Variants in DIS3L observed in about 807,000 individuals in gnomAD.
DIS3L encodes DIS3-like exonuclease 1.
Under a neutral mutation model 120.3 loss-of-function variants are expected in DIS3L, and 100 were observed. That is an observed-to-expected ratio of 0.83 (90% CI 0.71 to 0.98). DIS3L has a LOEUF of 0.98. Among genes scored for constraint, DIS3L ranks in the 50% least tolerant of loss-of-function variants. The pLI is 0.00. For synonymous variants in DIS3L, 426 were observed against 470.6 expected, an observed-to-expected ratio of 0.91 and a Z score of 1.23; for missense variants, 1,196 against 1,314.2, an observed-to-expected ratio of 0.91 and a Z score of 1.39.
At chr15:66,314,522 G>A (rs1291296424) in intron 6 of DIS3L, among the ~76,000 whole-genome samples, 1 of 152,196 alleles carries the variant, frequency 6.6e-6, no homozygotes, top group Non-Finnish European at 1.5e-5. Flanking sequence ...ATAATCAGGT[G>A]TAGTTCTTAG....
rs148317715 is a variant in DIS3L at position 66,328,883 on chromosome 15, A to C, written c.2202-87A>C. 1,346 of 1,478,960 alleles carry C rather than the reference A, an allele frequency of 9.1e-4. 25 individuals are homozygous for C. The Admixed American group carries it at 0.03, about 33-fold the overall frequency. 91.6% of individuals were successfully genotyped at this position (1,478,960 alleles called of 1,614,324 possible). On this transcript the variant is annotated intron_variant, in intron 12 of 16. Transcript: ENST00000319212. ...AATTTACTGGCAGATGAAGGTATTCAGACGGATGAGTGAAGGGTTCCCCTC... is the reference window on the plus strand; with the variant it reads ...AATTTACTGGCAGATGAAGGTATTCCGACGGATGAGTGAAGGGTTCCCCTC...
At chr15:66,302,963 C>T (rs2092664414) in intron 2 of DIS3L, among the ~76,000 whole-genome samples, 1 of 152,096 alleles carries the variant, frequency 6.6e-6, no homozygotes, top group East Asian at 1.9e-4. Flanking sequence ...AACTCTATAC[C>T]CCTTAAACAC....
rs773996173 is a variant in DIS3L at position 66,331,936 on chromosome 15, A to G, written c.2597A>G (p.Lys866Arg). 1.9e-6 allele frequency: 3 copies of G among 1,613,486 alleles called. No homozygotes were observed. The highest frequency in any genetic ancestry group is 2.5e-6 in the Non-Finnish European group (3 of 1,179,738). ...ELFQCMYFKD[K>R]DPATEERCIS... is the part of the protein sequence containing the mutation. ...TTCCAGTGCATGTACTTCAAAGACAAAGACCCTGCCACCGAGGAGCGTTGC... is the reference window on the plus strand; with the variant it reads ...TTCCAGTGCATGTACTTCAAAGACAGAGACCCTGCCACCGAGGAGCGTTGC... The change falls in exon 15 of 17, where the codon AAA becomes AGA. Residue 866 changes from lysine (K) to arginine (R), a missense_variant. Transcript: ENST00000319212.
At position 66,326,184 on chromosome 15, in the gene DIS3L, C is replaced by G; in HGVS notation, c.2021C>G (p.Pro674Arg). ...ATTCACGACCTCATCCCCAAGCAGC[C>G]CCTGGAAGTCCACGAGACAGTGGCT... ...KNIHDLIPKQ[P>R]LEVHETVAEC... Residue 674 changes from proline (P) to arginine (R), a missense_variant, in exon 12 of 17, where the codon CCC becomes CGC. By Grantham distance (103) the Pro-to-Arg change is moderately radical (BLOSUM62 -2). Transcript: ENST00000319212. The G allele has an allele frequency of 6.2e-7, 1 of 1,614,190 alleles. No individual in the cohort carries two copies. The highest frequency in any genetic ancestry group is 8.5e-7 in the Non-Finnish European group (1 of 1,180,038).
intron 1 of DIS3L, 75 bp from the exon 2 acceptor site, chr15:66,294,913 C>T (rs1490455148): frequency 7.1e-7 from 1 of 1,417,380 alleles, no homozygotes; most frequent in South Asian, 1.4e-5. Context: ...TTTTGCATGC[C>T]AGAGCACCGT....
At chr15:66,301,185 A>G (rs1276037097) in intron 2 of DIS3L, among the ~76,000 whole-genome samples, 1 of 152,206 alleles carries the variant, frequency 6.6e-6, no homozygotes, top group Non-Finnish European at 1.5e-5. Flanking sequence ...CCTCTGAGAA[A>G]TTGCTTAAAA....
In DIS3L at chr15:66,314,075, G is replaced by A; in HGVS notation, c.772G>A (p.Glu258Lys). ...LNVNKHRAQI[E>K]AFVRLQGASS... Reference sequence around the variant, plus strand: ...TGTCAACAAACACAGAGCCCAAATAGAAGCTTTTGTTCGACTTCAAGGAGC... The same window carrying A: ...TGTCAACAAACACAGAGCCCAAATAAAAGCTTTTGTTCGACTTCAAGGAGC... The change falls in exon 6 of 17, where the codon GAA (glutamate) becomes AAA (lysine). Residue 258 changes from glutamate to lysine, a missense_variant. Coordinates refer to ENST00000319212, the MANE Select transcript of DIS3L (RefSeq NM_001143688.3). 6.5e-7 allele frequency: 1 copy of A among 1,533,808 alleles called. No individual in the cohort carries two copies. Among genetic ancestry groups the A allele is most frequent in the Admixed American group, 2.3e-5 (1 of 43,370 alleles).
intron 10 of DIS3L, 65 bp from the exon 11 acceptor site, chr15:66,323,428 C>T (rs1310600986): frequency 6.5e-6 from 10 of 1,547,570 alleles, no homozygotes; most frequent in Non-Finnish European, 7.1e-6. Flanking sequence ...CCCTGCGGCC[C>T]ACACAGTCAG....
Position 66,300,666 on chromosome 15 carries a change from T to A in DIS3L, c.293+5525T>A, listed in dbSNP as rs115321050. Among the ~76,000 whole-genome samples, 1,339 of 152,238 alleles carry A rather than the reference T, an allele frequency of 8.8e-3. 17 individuals carry two copies. The highest frequency in any genetic ancestry group is 0.03 in the African/African-American group (1,261 of 41,524). On this transcript the variant is annotated intron_variant, in intron 2 of 16. Transcript: ENST00000319212. ...CTCTAGAACTAGTGATAGATTTAGG[T>A]ATGTGAGATGGCGGGGAAGGTAGGG...
intron 7 of DIS3L, 61 bp from the exon 8 acceptor site, chr15:66,318,388 C>T: frequency 6.5e-7 from 1 of 1,542,750 alleles, no homozygotes; most frequent in East Asian, 2.3e-5. Flanking sequence ...TTGAGGTGGT[C>T]AGAGTCCAGA....
Position 66,332,911 on chromosome 15 carries a change from G to T in DIS3L, c.2856+1G>T. On this transcript the variant is annotated splice_donor_variant, in intron 16 of 16. Coordinates refer to ENST00000319212, the MANE Select transcript of DIS3L (RefSeq NM_001143688.3). LOFTEE classifies it high-confidence loss of function. Reference sequence around the variant, plus strand: ...GTTCCATTTGTTTGACCATGTAACCGTAAGTCTGTGTTTCTATTAAGTATT... The same window carrying T: ...GTTCCATTTGTTTGACCATGTAACCTTAAGTCTGTGTTTCTATTAAGTATT... 1 of 1,607,254 alleles carries T rather than the reference G, an allele frequency of 6.2e-7. No homozygotes were observed. The highest frequency in any genetic ancestry group is 8.5e-7 in the Non-Finnish European group (1 of 1,177,460).
At chr15:66,294,948 A>G (rs558641168) in intron 1 of DIS3L, 40 bp from the exon 2 acceptor site, 1 of 1,549,502 alleles carries the variant, frequency 6.5e-7, no homozygotes, top group Admixed American at 2.0e-5. Context: ...CCAGGTTTGA[A>G]AACATTGTCT....
chr15:66,313,879 A>ATATG (rs149256081), intron 5 of DIS3L, among the ~76,000 whole-genome samples, 160 bp from the exon 6 acceptor site: 4 of 139,462 alleles, frequency 2.9e-5, no homozygotes, highest in Non-Finnish European at 6.0e-5. Flanking sequence ...ATATATATAT[A>ATATG]TGTGTGTGTA....
chr15:66,300,691 G>T (rs968078566), intron 2 of DIS3L, among the ~76,000 whole-genome samples: 4 of 152,132 alleles, frequency 2.6e-5, no homozygotes, highest in Admixed American at 6.5e-5. Flanking sequence ...GGAAGGTAGG[G>T]TCAAGAGTAT....
At chr15:66,326,473 AC>A (rs2092939723) in intron 12 of DIS3L, 109 bp downstream of exon 12, 1 of 1,239,400 alleles carries the variant, frequency 8.1e-7, no homozygotes, top group South Asian at 1.6e-5. Context: ...AAAAGAGAAA[AC>A]AGATTCTTGG....
Position 66,329,396 on chromosome 15 carries a change from C to T in DIS3L, c.2532C>T (p.Asn844=). The T allele has an allele frequency of 1.2e-6, 2 of 1,600,916 alleles. No homozygotes were observed. The highest frequency in any genetic ancestry group is 1.1e-5 in the South Asian group (1 of 88,030). The change falls in exon 14 of 17, where the codon AAC becomes AAT. Residue 844 remains asparagine (N), a synonymous_variant. Coordinates refer to ENST00000319212, the MANE Select transcript of DIS3L (RefSeq NM_001143688.3). ...EELCRHINNR[N]QAAQHSQKQS... ...TATGCAGACATATCAACAACAGAAA[C>T]CAAGTAAGAGGGAATTTCAAAATTC...
chr15:66,311,943 G>T, intron 5 of DIS3L, 43 bp downstream of exon 5: 1 of 1,602,264 alleles, frequency 6.2e-7, no homozygotes, highest in Non-Finnish European at 8.5e-7. Flanking sequence ...GGGCACAGTG[G>T]CTCATGCCTG....
At chr15:66,309,588 A>G (rs879045820) in intron 4 of DIS3L, among the ~76,000 whole-genome samples, 1 of 152,178 alleles carries the variant, frequency 6.6e-6, no homozygotes, top group African/African-American at 2.4e-5. Flanking sequence ...GGTAGGTATT[A>G]TAATTTAATC....
At chr15:66,299,492 G>C (rs1324974936) in intron 2 of DIS3L, among the ~76,000 whole-genome samples, 1 of 149,240 alleles carries the variant, frequency 6.7e-6, no homozygotes, top group Non-Finnish European at 1.5e-5. Context: ...GTTGCAGTGA[G>C]CCACGATCAC....
Sources: allele counts gnomAD v4.1 joint callset (sites outside exome capture counted in the v4.1 genomes callset), GRCh38; gene constraint gnomAD v4.1.1; transcripts MANE v1.5; gene names NCBI Gene and HGNC (gene_info 2026-07-23, HGNC 2026-07-21).